GALNTL6: variants seen among roughly 807,000 people sequenced by gnomAD.
The protein encoded by GALNTL6 is polypeptide N-acetylgalactosaminyltransferase-like 6.
GALNTL6 carries 46 observed loss-of-function variants against 73.7 expected under a neutral mutation model. The ratio of observed to expected loss-of-function variants is 0.62; its 90% CI spans 0.49 to 0.80. The LOEUF is 0.80. GALNTL6 is among the 30% of genes least tolerant of loss of function. The probability of loss-of-function intolerance (pLI) is 0.00; values close to 1 mark genes in which losing one functional copy is unlikely to be tolerated. For synonymous variants in GALNTL6, 259 were observed against 263.7 expected, an observed-to-expected ratio of 0.98 and a Z score of 0.17; for missense variants, 604 against 755.0, an observed-to-expected ratio of 0.80 and a Z score of 2.34.
chr4:171,927,359 T>C (rs1025034797), intron 2 of GALNTL6, among the ~76,000 whole-genome samples: 24 of 152,166 alleles, frequency 1.6e-4, no homozygotes, highest in African/African-American at 5.8e-4. Context: ...TAGATTGAGG[T>C]AGGAATTGTT....
chr4:172,698,619 T>A (rs1347442291), intron 5 of GALNTL6, among the ~76,000 whole-genome samples: 1 of 152,204 alleles, frequency 6.6e-6, no homozygotes, highest in East Asian at 1.9e-4. Flanking sequence ...TTCTTAACGA[T>A]GATTCAGACA....
intron 2 of GALNTL6, among the ~76,000 whole-genome samples, chr4:172,045,611 A>G (rs1200293314): frequency 6.6e-6 from 1 of 151,986 alleles, no homozygotes; most frequent in Non-Finnish European, 1.5e-5. Context: ...TGTGAGATGC[A>G]AAACTACTGT....
At chr4:171,952,779 T>G (rs1202141109) in intron 2 of GALNTL6, among the ~76,000 whole-genome samples, 1 of 152,136 alleles carries the variant, frequency 6.6e-6, no homozygotes, top group Non-Finnish European at 1.5e-5. Context: ...TTTGTAATCA[T>G]GATATGCACT....
At chr4:172,963,468 G>A (rs531494678) in intron 10 of GALNTL6, among the ~76,000 whole-genome samples, 6 of 152,172 alleles carry the variant, frequency 3.9e-5, no homozygotes, top group East Asian at 3.9e-4. Flanking sequence ...AAGTAAACTC[G>A]GTGACACAAG....
chr4:172,560,910 C>T (rs1736328236), intron 5 of GALNTL6, among the ~76,000 whole-genome samples: 1 of 152,158 alleles, frequency 6.6e-6, no homozygotes, highest in African/African-American at 2.4e-5. Flanking sequence ...GACATAGATA[C>T]TATTATTAAC....
At chr4:172,789,515 A>G (rs572232039) in intron 5 of GALNTL6, among the ~76,000 whole-genome samples, 1 of 152,140 alleles carries the variant, frequency 6.6e-6, no homozygotes, top group Non-Finnish European at 1.5e-5. Flanking sequence ...GAATCCAAAA[A>G]ATTGGACACC....
rs1731481567 is a variant in GALNTL6, at chr4:172,069,582, ATT to A, written c.139-160073_139-160072del. Among the ~76,000 whole-genome samples the A allele has an allele frequency of 1.4e-4, 3 of 21,014 alleles. 1 individual carries two copies. The highest frequency in any genetic ancestry group is 6.1e-4 in the Non-Finnish European group (3 of 4,956). 13.8% of individuals were successfully genotyped at this position (21,014 alleles called of 152,430 possible). A position where few individuals can be genotyped will look rare whatever the true frequency, so the allele number is the denominator to read the frequency against. On this transcript the variant is annotated intron_variant, in intron 2 of 12. Transcript: ENST00000506823. ...TATATATAACACATATATGTTATAT[ATT>A]ATATATATAACACATATATGTTATA...
intron 7 of GALNTL6, among the ~76,000 whole-genome samples, chr4:172,877,160 A>T (rs979636704): frequency 6.6e-6 from 1 of 152,154 alleles, no homozygotes; most frequent in African/African-American, 2.4e-5. Context: ...TTTTTTAATA[A>T]AATTCTTTAT....
At chr4:172,233,757 C>T (rs1737150751) in intron 3 of GALNTL6, among the ~76,000 whole-genome samples, 1 of 151,950 alleles carries the variant, frequency 6.6e-6, no homozygotes, top group South Asian at 2.1e-4. Flanking sequence ...TTGTACTCTT[C>T]CTTAAAATTT....
At chr4:172,293,109 T>A (rs1739527429) in intron 3 of GALNTL6, among the ~76,000 whole-genome samples, 1 of 152,198 alleles carries the variant, frequency 6.6e-6, no homozygotes, top group South Asian at 2.1e-4. Context: ...AGTTGTCTTC[T>A]TTTATTTATT....
chr4:172,324,469 AAC>A (rs1246038549), intron 4 of GALNTL6, among the ~76,000 whole-genome samples: 5 of 151,624 alleles, frequency 3.3e-5, no homozygotes, highest in Non-Finnish European at 7.4e-5. Flanking sequence ...GTTTTCTATA[AAC>A]ACATATTTTG....
intron 3 of GALNTL6, among the ~76,000 whole-genome samples, chr4:172,238,076 T>A (rs555464937): frequency 6.6e-6 from 1 of 152,316 alleles, no homozygotes; most frequent in African/African-American, 2.4e-5. Flanking sequence ...AGGCTCTTTT[T>A]TGGTTTCATG....
At chr4:171,945,705 A>C (rs776965962) in intron 2 of GALNTL6, among the ~76,000 whole-genome samples, 1 of 152,158 alleles carries the variant, frequency 6.6e-6, no homozygotes, top group Non-Finnish European at 1.5e-5. Context: ...AGAGCTTATA[A>C]AACATGCATA....
chr4:171,909,666 C>T (rs1001968847), intron 2 of GALNTL6, among the ~76,000 whole-genome samples: 1 of 152,116 alleles, frequency 6.6e-6, no homozygotes, highest in African/African-American at 2.4e-5. Context: ...TTGCCATAGA[C>T]TTTTGAAAAT....
At chr4:172,286,466 T>C (rs562729342) in intron 3 of GALNTL6, among the ~76,000 whole-genome samples, 22 of 152,264 alleles carry the variant, frequency 1.4e-4, no homozygotes, top group African/African-American at 5.3e-4. Flanking sequence ...GAAGAAGGCA[T>C]AAATTCAACG....
At chr4:172,179,613 T>G (rs1363434554) in intron 2 of GALNTL6, among the ~76,000 whole-genome samples, 1 of 146,272 alleles carries the variant, frequency 6.8e-6, no homozygotes, top group Non-Finnish European at 1.5e-5. Flanking sequence ...GGTTGGCTGT[T>G]CACTCTGATG....
At chr4:172,971,701 G>A (rs1750592301) in intron 10 of GALNTL6, among the ~76,000 whole-genome samples, 1 of 152,148 alleles carries the variant, frequency 6.6e-6, no homozygotes, top group Admixed American at 6.5e-5. Context: ...TTTAAAAAGA[G>A]AAGCTTCAGC....
At chr4:171,957,552 A>G (rs1271545794) in intron 2 of GALNTL6, among the ~76,000 whole-genome samples, 1 of 152,218 alleles carries the variant, frequency 6.6e-6, no homozygotes, top group Non-Finnish European at 1.5e-5. Context: ...GTGGAGGAAC[A>G]GTATTTACTT....
At chr4:172,138,019 G>A (rs1192565028) in intron 2 of GALNTL6, among the ~76,000 whole-genome samples, 1 of 152,144 alleles carries the variant, frequency 6.6e-6, no homozygotes, top group Non-Finnish European at 1.5e-5. Flanking sequence ...GAGCAGATGA[G>A]CTGCTGCGGA....
Sources: gnomAD v4.1 joint callset for allele counts (sites outside exome capture counted in the v4.1 genomes callset) on GRCh38, gnomAD v4.1.1 for gene constraint, MANE v1.5 for transcripts, NCBI Gene and HGNC (gene_info 2026-07-23, HGNC 2026-07-21) for gene names.